The following ZBTB20 variants were observed in gnomAD, a reference collection of about 807,000 sequenced individuals.
ZBTB20 encodes the protein zinc finger and BTB domain containing 20.
A neutral mutation model predicts 56.9 loss-of-function variants in ZBTB20; 9 were observed. The ratio of observed to expected loss-of-function variants is 0.16; its 90% CI spans 0.10 to 0.28. ZBTB20 has a LOEUF of 0.28. Ranked by LOEUF, ZBTB20 falls within the 10% of genes least tolerant of loss-of-function variation. ZBTB20 has a pLI of 1.00. For missense variants in ZBTB20, 655 were observed against 1,003.0 expected (o/e 0.65, Z 4.69); for synonymous variants, 417 against 420.7 (o/e 0.99, Z 0.11).
intron 6 of ZBTB20, among the ~76,000 whole-genome samples, chr3:114,577,350 A>G (rs565644216): frequency 2.0e-5 from 3 of 152,352 alleles, no homozygotes; most frequent in African/African-American, 4.8e-5. Context: ...GAAAAACTCA[A>G]TATCTGCGAA....
At chr3:115,076,490 A>G (rs529188653) in intron 1 of ZBTB20, among the ~76,000 whole-genome samples, 1 of 152,316 alleles carries the variant, frequency 6.6e-6, no homozygotes, top group East Asian at 1.9e-4. Flanking sequence ...GTTCTGGGAA[A>G]AACAGCAAAA....
chr3:114,990,883 T>C (rs1029272320), intron 2 of ZBTB20, among the ~76,000 whole-genome samples: 2 of 152,228 alleles, frequency 1.3e-5, no homozygotes, highest in African/African-American at 4.8e-5. Flanking sequence ...ATTTTCTAGT[T>C]TATTTGCATA....
At chr3:114,873,096 G>T (rs996100097) in intron 4 of ZBTB20, 2 of 152,136 alleles carry the variant, frequency 1.3e-5, no homozygotes, top group Non-Finnish European at 1.5e-5. Flanking sequence ...ATTGCTAAAA[G>T]AAGTTCTGAG....
intron 7 of ZBTB20, among the ~76,000 whole-genome samples, chr3:114,427,019 C>T (rs1306270847): frequency 2.0e-5 from 3 of 152,136 alleles, no homozygotes; most frequent in Non-Finnish European, 4.4e-5. Flanking sequence ...TGAGATCTGT[C>T]AACCGCTATG....
intron 1 of ZBTB20, among the ~76,000 whole-genome samples, chr3:115,074,773 T>C (rs7648400): frequency 0.15 from 22,575 of 152,024 alleles, 3,248 homozygotes; most frequent in African/African-American, 0.38. Flanking sequence ...CTAACAGAGA[T>C]TGTTTTATCT....
chr3:114,978,739 C>T (rs2078210161), intron 2 of ZBTB20, among the ~76,000 whole-genome samples: 1 of 151,584 alleles, frequency 6.6e-6, no homozygotes, highest in African/African-American at 2.4e-5. Flanking sequence ...ACTTAAACTA[C>T]ATTATTCTTT....
intron 4 of ZBTB20, among the ~76,000 whole-genome samples, chr3:114,891,286 T>G (rs1445367004): frequency 2.0e-5 from 3 of 152,154 alleles, no homozygotes; most frequent in Non-Finnish European, 4.4e-5. Flanking sequence ...ACTGCCTAAC[T>G]TAAAAAAAAT....
chr3:114,365,532 T>C (rs1214321132), intron 10 of ZBTB20, among the ~76,000 whole-genome samples: 3 of 152,082 alleles, frequency 2.0e-5, no homozygotes, highest in African/African-American at 7.2e-5. Flanking sequence ...TCAAGAACTA[T>C]CTCCTTGCTA....
At chr3:114,726,683 T>C (rs540577991) in intron 5 of ZBTB20, among the ~76,000 whole-genome samples, 126 of 152,018 alleles carry the variant, frequency 8.3e-4, no homozygotes, top group African/African-American at 2.6e-3. Flanking sequence ...GAGGCCAAGG[T>C]GGGCGGATCA....
intron 1 of ZBTB20, among the ~76,000 whole-genome samples, chr3:115,117,849 T>C (rs12639377): frequency 0.15 from 22,412 of 152,116 alleles, 2,239 homozygotes; most frequent in East Asian, 0.59. Flanking sequence ...TGTGTCTCAA[T>C]GAGAAACTGA....
intron 1 of ZBTB20, among the ~76,000 whole-genome samples, chr3:115,140,000 G>T (rs1335359108): frequency 6.6e-6 from 1 of 151,982 alleles, no homozygotes; most frequent in Non-Finnish European, 1.5e-5. Flanking sequence ...GGAAAGCAAA[G>T]TCAAGTATTT....
chr3:114,844,741 A>G (rs1455488535), intron 4 of ZBTB20, among the ~76,000 whole-genome samples: 4 of 151,132 alleles, frequency 2.6e-5, no homozygotes, highest in African/African-American at 7.3e-5. Context: ...AGTCTTTTAA[A>G]TGTCAGTCAT....
At chr3:115,063,757 C>T (rs1307028705) in intron 2 of ZBTB20, among the ~76,000 whole-genome samples, 1 of 152,000 alleles carries the variant, frequency 6.6e-6, no homozygotes, top group African/African-American at 2.4e-5. Flanking sequence ...GTATCCAAAA[C>T]TTTGACCCTC....
At chr3:115,061,725 CAA>C (rs1361304209) in intron 2 of ZBTB20, among the ~76,000 whole-genome samples, 3 of 151,964 alleles carry the variant, frequency 2.0e-5, no homozygotes, top group Non-Finnish European at 2.9e-5. Flanking sequence ...TACACACACA[CAA>C]GAGACCAAAA....
At position 114,563,699 on chromosome 3, in the gene ZBTB20, A is replaced by G. The variant is rs560291059; in HGVS notation, c.-294-63308T>C. Among the ~76,000 whole-genome samples the G allele has an allele frequency of 7.0e-4, 107 of 152,316 alleles. 1 individual carries two copies. The South Asian group carries it at 8.7e-3, about 12-fold the overall frequency. On this transcript the variant is annotated intron_variant, in intron 6 of 11. Transcript: ENST00000675478. ...TAGGGACATAGGGTTGAACTTGCCC[A>G]TGATTTTAATTTGTAATACATAGGC...
At chr3:114,539,626 C>G (rs1312557805) in intron 6 of ZBTB20, among the ~76,000 whole-genome samples, 2 of 152,064 alleles carry the variant, frequency 1.3e-5, no homozygotes, top group Non-Finnish European at 2.9e-5. Context: ...TTTACTTACA[C>G]CTACATACTT....
intron 3 of ZBTB20, among the ~76,000 whole-genome samples, chr3:114,943,910 CAAA>C (rs367766907): frequency 1.7e-5 from 1 of 59,084 alleles, no homozygotes; most frequent in Non-Finnish European, 3.5e-5. Flanking sequence ...AAACCAACTA[CAAA>C]AAAAAAAAAA....
intron 10 of ZBTB20, among the ~76,000 whole-genome samples, chr3:114,376,472 T>C (rs2083644466): frequency 1.3e-5 from 2 of 152,170 alleles, no homozygotes; most frequent in South Asian, 2.1e-4. Context: ...CTCTAAAAAA[T>C]TGCTTAAAAG....
chr3:115,023,129 G>T (rs2080273127), intron 2 of ZBTB20, among the ~76,000 whole-genome samples: 1 of 150,896 alleles, frequency 6.6e-6, no homozygotes, highest in South Asian at 2.1e-4. Context: ...CATTTTAACT[G>T]AAGCATGACA....
Sources: gnomAD v4.1 joint callset for allele counts (sites outside exome capture counted in the v4.1 genomes callset) on GRCh38, gnomAD v4.1.1 for gene constraint, MANE v1.5 for transcripts, NCBI Gene and HGNC (gene_info 2026-07-23, HGNC 2026-07-21) for gene names.